PLCH1: variants seen among roughly 807,000 people sequenced by gnomAD.
PLCH1 encodes phospholipase C eta 1, also known as 1-phosphatidylinositol 4,5-bisphosphate phosphodiesterase eta-1.
In PLCH1, 60 loss-of-function variants were observed where a neutral mutation model predicts 126.7. The observed-to-expected ratio is 0.47, with a 90% CI of 0.38 to 0.59. The LOEUF (loss-of-function observed/expected upper bound fraction) is 0.59, where lower values mean the gene tolerates loss of function less well. PLCH1 is among the 20% of genes least tolerant of loss of function. The pLI is 0.00. For synonymous variants in PLCH1, 719 were observed against 734.9 expected (o/e 0.98, Z 0.35); for missense variants, 1,723 against 2,040.0 (o/e 0.84, Z 2.99).
intron 8 of PLCH1, among the ~76,000 whole-genome samples, chr3:155,559,500 T>G (rs1727292326): frequency 6.6e-6 from 1 of 152,126 alleles, no homozygotes; most frequent in African/African-American, 2.4e-5. Context: ...TGGCCAAGTC[T>G]CTGAGATAAA....
chr3:155,735,293 G>A (rs1276698484), intron 1 of PLCH1, among the ~76,000 whole-genome samples: 1 of 152,038 alleles, frequency 6.6e-6, no homozygotes, highest in African/African-American at 2.4e-5. Flanking sequence ...AGAGTCTATT[G>A]TACAACATGA....
chr3:155,544,270 A>G (rs953761239), intron 10 of PLCH1, among the ~76,000 whole-genome samples: 1 of 152,242 alleles, frequency 6.6e-6, no homozygotes. Context: ...TAAACCAACA[A>G]AGATCAAAAG....
At chr3:155,497,025 T>G (rs901342779) in intron 15 of PLCH1, among the ~76,000 whole-genome samples, 1 of 152,214 alleles carries the variant, frequency 6.6e-6, no homozygotes. Context: ...ACAGTTCAAG[T>G]GTTGCAGGAA....
At chr3:155,544,792 G>A (rs1256454345) in intron 10 of PLCH1, among the ~76,000 whole-genome samples, 1 of 151,136 alleles carries the variant, frequency 6.6e-6, no homozygotes, top group Non-Finnish European at 1.5e-5. Context: ...TGACTACTGG[G>A]TACATAACGA....
intron 10 of PLCH1, among the ~76,000 whole-genome samples, chr3:155,541,540 G>C (rs1342651058): frequency 6.6e-6 from 1 of 152,098 alleles, no homozygotes; most frequent in African/African-American, 2.4e-5. Context: ...TGGGGAATCA[G>C]GTGGTTCATG....
chr3:155,453,596 T>C (rs1712366605), intron 21 of PLCH1, among the ~76,000 whole-genome samples: 1 of 152,060 alleles, frequency 6.6e-6, no homozygotes, highest in Non-Finnish European at 1.5e-5. Context: ...AATGCATAAA[T>C]GTCTGGAATT....
intron 10 of PLCH1, among the ~76,000 whole-genome samples, chr3:155,531,707 C>T (rs867114122): frequency 6.6e-6 from 1 of 152,238 alleles, no homozygotes; most frequent in Non-Finnish European, 1.5e-5. Context: ...CTTGCTGCAG[C>T]TTCTCCACCA....
intron 2 of PLCH1, among the ~76,000 whole-genome samples, chr3:155,621,149 A>G (rs1271704627): frequency 1.3e-5 from 2 of 152,174 alleles, no homozygotes; most frequent in Non-Finnish European, 2.9e-5. Flanking sequence ...AGCAAACTCC[A>G]GCAGACCTGC....
At chr3:155,615,194 G>A (rs1272151065) in intron 2 of PLCH1, among the ~76,000 whole-genome samples, 1 of 152,018 alleles carries the variant, frequency 6.6e-6, no homozygotes, top group Non-Finnish European at 1.5e-5. Flanking sequence ...TGCTCAACAT[G>A]ACTAATCATC....
chr3:155,505,583 T>C (rs551630677), intron 12 of PLCH1, among the ~76,000 whole-genome samples: 1 of 152,200 alleles, frequency 6.6e-6, no homozygotes, highest in South Asian at 2.1e-4. Context: ...TAATCAAAGA[T>C]GCAAGTAGGG....
At chr3:155,737,497 C>G (rs576983973) in intron 1 of PLCH1, among the ~76,000 whole-genome samples, 10 of 151,776 alleles carry the variant, frequency 6.6e-5, no homozygotes, top group African/African-American at 1.7e-4. Flanking sequence ...ATGCCCTGCC[C>G]TCCTAGAGAT....
intron 10 of PLCH1, among the ~76,000 whole-genome samples, chr3:155,542,178 AC>A (rs1375431571): frequency 1.3e-5 from 2 of 152,166 alleles, no homozygotes; most frequent in African/African-American, 4.8e-5. Flanking sequence ...GGTCACTCCC[AC>A]CCCAATACTG....
At chr3:155,626,768 CAAAAAAAAAAAAA>C (rs71155058) in intron 2 of PLCH1, among the ~76,000 whole-genome samples, 16 of 49,652 alleles carry the variant, frequency 3.2e-4, no homozygotes, top group South Asian at 1.7e-3. Flanking sequence ...GACTCCGTCT[CAAAAAAAAAAAAA>C]AAAAAAAAAA....
intron 12 of PLCH1, among the ~76,000 whole-genome samples, chr3:155,511,640 G>C (rs1719512311): frequency 7.1e-6 from 1 of 140,648 alleles, no homozygotes; most frequent in South Asian, 2.3e-4. Context: ...CCCTGCTGGG[G>C]GGTGCCTCCC....
At chr3:155,623,281 G>C (rs1736754725) in intron 2 of PLCH1, among the ~76,000 whole-genome samples, 1 of 152,120 alleles carries the variant, frequency 6.6e-6, no homozygotes, top group South Asian at 2.1e-4. Flanking sequence ...TTTACAGCAT[G>C]AAATGCCTAC....
chr3:155,502,017 C>CCA (rs1196010832), intron 13 of PLCH1, among the ~76,000 whole-genome samples: 3 of 152,100 alleles, frequency 2.0e-5, no homozygotes, highest in Non-Finnish European at 4.4e-5. Flanking sequence ...CCTAAACCCC[C>CCA]CCAAAAATCA....
At chr3:155,728,591 T>G (rs1748518943) in intron 1 of PLCH1, among the ~76,000 whole-genome samples, 1 of 152,082 alleles carries the variant, frequency 6.6e-6, no homozygotes, top group Non-Finnish European at 1.5e-5. Flanking sequence ...TATGTGTAAT[T>G]TTGCTTCCTA....
intron 2 of PLCH1, among the ~76,000 whole-genome samples, chr3:155,628,898 T>C (rs1401695): frequency 0.49 from 73,858 of 152,018 alleles, 20,337 homozygotes; most frequent in African/African-American, 0.74. Flanking sequence ...ATATTCACTT[T>C]AAAATTCCAT....
intron 6 of PLCH1, among the ~76,000 whole-genome samples, chr3:155,577,579 CT>C (rs1560192858): frequency 6.6e-6 from 1 of 152,040 alleles, no homozygotes; most frequent in East Asian, 1.9e-4. Flanking sequence ...TGTATGATCA[CT>C]TTTTTTATAA....
Sources: allele counts gnomAD v4.1 joint callset (sites outside exome capture counted in the v4.1 genomes callset), GRCh38; gene constraint gnomAD v4.1.1; transcripts MANE v1.5; gene names NCBI Gene and HGNC (gene_info 2026-07-23, HGNC 2026-07-21).